The following COL4A1 variants were observed in gnomAD, a reference collection of about 807,000 sequenced individuals.
COL4A1 encodes collagen alpha-1(IV) chain.
COL4A1 carries 40 observed loss-of-function variants against 216.6 expected under a neutral mutation model. The ratio of observed to expected loss-of-function variants is 0.18; its 90% CI spans 0.14 to 0.24. The LOEUF is 0.24. Ranked by LOEUF, COL4A1 falls within the 10% of genes least tolerant of loss-of-function variation. The pLI, the probability that COL4A1 is intolerant of heterozygous loss-of-function variation, is 1.00. For missense variants in COL4A1, 1,628 were observed against 2,196.8 expected (o/e 0.74, Z 5.18); for synonymous variants, 839 against 810.7 (o/e 1.03, Z -0.59).
chr13:110,293,582 C>T (rs1884165803), intron 1 of COL4A1, among the ~76,000 whole-genome samples: 1 of 152,202 alleles, frequency 6.6e-6, no homozygotes, highest in Non-Finnish European at 1.5e-5. Flanking sequence ...TCAGATACAG[C>T]AACCCAAACT....
At chr13:110,224,020 T>A (rs1388181391) in intron 2 of COL4A1, among the ~76,000 whole-genome samples, 4 of 152,126 alleles carry the variant, frequency 2.6e-5, no homozygotes, top group African/African-American at 4.8e-5. Flanking sequence ...TTAAAAAAAA[T>A]ATATATGGAA....
rs1483550846 is a variant in COL4A1, at chr13:110,207,191, T to C, written c.780+212A>G. Among the ~76,000 whole-genome samples, 1 of 151,744 alleles carries C rather than the reference T, an allele frequency of 6.6e-6. No homozygotes were observed. The highest frequency in any genetic ancestry group is 1.9e-4 in the East Asian group (1 of 5,156). On this transcript the variant is annotated intron_variant, in intron 13 of 51. Transcript: ENST00000375820. The surrounding 1 kb of genome is among the most constrained non-coding windows in gnomAD (Gnocchi z 4.4). Reference sequence around the variant, plus strand: ...TTTAAGAAGCCCTGATCCAGCGGGGTGAGCCTCAGATCAGGCTTGGACCAA... The same window carrying C: ...TTTAAGAAGCCCTGATCCAGCGGGGCGAGCCTCAGATCAGGCTTGGACCAA...
chr13:110,189,098 T>G (rs537050793), intron 24 of COL4A1, among the ~76,000 whole-genome samples: 2 of 152,240 alleles, frequency 1.3e-5, no homozygotes, highest in African/African-American at 4.8e-5. Flanking sequence ...ATTTTCGCTC[T>G]TGTTGCCCAG....
At position 110,195,092 on chromosome 13, in the gene COL4A1, G is replaced by A. The variant is rs1878826958; in HGVS notation, c.1312C>T (p.Pro438Ser). 6.2e-7 allele frequency: 1 copy of A among 1,614,028 alleles called. No individual in the cohort carries two copies. Among genetic ancestry groups the A allele is most frequent in the African/African-American group, 1.3e-5 (1 of 74,898 alleles). Residue 438 changes from proline to serine, a missense_variant, in exon 22 of 52, where the codon CCT (proline) becomes TCT (serine). Physicochemically the swap from Pro to Ser is moderately conservative, Grantham distance 74. Transcript: ENST00000375820. Reference protein sequence around the residue: ...TNGIVECQPGPPGDQGPPGIP... With the variant: ...TNGIVECQPGSPGDQGPPGIP... ...CCAGGAGGACCCTGGTCACCTGGAG[G>A]TCCGGGCTGACATTCCACAATTCCA... is the stretch of plus-strand genomic sequence containing the variant.
chr13:110,170,726 T>C lies in COL4A1; in HGVS notation c.3563A>G (p.Lys1188Arg), dbSNP rs1566347288. Reference sequence around the variant, plus strand: ...TAATCCTGGGAAACCCACCTCACCCTTTGAACCTGAACAAGAAAAACAGTT... The same window carrying C: ...TAATCCTGGGAAACCCACCTCACCCCTTGAACCTGAACAAGAAAAACAGTT... ...FPGAKGDKGS[K>R]GEVGFPGLAG... The change falls in exon 42 of 52, where the codon AAG (lysine) becomes AGG (arginine). Residue 1188 changes from lysine (K) to arginine (R), a missense_variant. Lys to Arg is a conservative substitution (Grantham distance 26, BLOSUM62 2). Transcript: ENST00000375820. 1 of 1,614,170 alleles carries C rather than the reference T, an allele frequency of 6.2e-7. No individual in the cohort carries two copies. The highest frequency in any genetic ancestry group is 1.7e-5 in the Admixed American group (1 of 60,030).
chr13:110,205,356 C>A lies in COL4A1; in HGVS notation c.954G>T (p.Pro318=), dbSNP rs779515095. The A allele has an allele frequency of 1.9e-6, 3 of 1,614,030 alleles. No homozygotes were observed. Among genetic ancestry groups the A allele is most frequent in the South Asian group, 2.2e-5 (2 of 91,068 alleles). ...GYPGLIGRQG[P]QGEKGEAGPP... is the part of the protein sequence containing the mutation. ...TCACAATAGTGCCAGCGTTTACCTGCGGGCCCTGGCGGCCTATGAGTCCTG... is the reference window on the plus strand; with the variant it reads ...TCACAATAGTGCCAGCGTTTACCTGAGGGCCCTGGCGGCCTATGAGTCCTG... Residue 318 remains proline, a synonymous_variant, in exon 17 of 52, where the codon CCG becomes CCT. Coordinates refer to ENST00000375820, the MANE Select transcript of COL4A1 (RefSeq NM_001845.6).
At chr13:110,159,305 G>A (rs570221256) in intron 49 of COL4A1, among the ~76,000 whole-genome samples, 1 of 152,196 alleles carries the variant, frequency 6.6e-6, no homozygotes, top group East Asian at 1.9e-4. Context: ...AACTTTTTAT[G>A]TATAAATCTG....
At chr13:110,222,329 G>A (rs1268778007) in intron 2 of COL4A1, among the ~76,000 whole-genome samples, 1 of 152,188 alleles carries the variant, frequency 6.6e-6, no homozygotes, top group South Asian at 2.1e-4. Flanking sequence ...GATCCAGCCC[G>A]TGACAGGCCC....
intron 21 of COL4A1, 135 bp downstream of exon 21, chr13:110,198,332 A>G (rs1879001562): frequency 1.1e-6 from 1 of 894,088 alleles, no homozygotes; most frequent in Non-Finnish European, 1.7e-6. Context: ...TTAGAGGAAT[A>G]TGGATGATTA....
In COL4A1 at chr13:110,162,887, G is replaced by T. The variant is rs959076774; in HGVS notation, c.4250-445C>A. Among the ~76,000 whole-genome samples, 3 of 152,222 alleles carry T rather than the reference G, an allele frequency of 2.0e-5. No individual in the cohort carries two copies. The East Asian group carries it at 5.8e-4, about 29-fold the overall frequency. On this transcript the variant is annotated intron_variant, in intron 47 of 51. Transcript: ENST00000375820. Reference sequence around the variant, plus strand: ...TTAAGGTGTTTCTTCCTCCATAGCAGCCCAAAGCCTGCGTATGGAAATGGA... The same window carrying T: ...TTAAGGTGTTTCTTCCTCCATAGCATCCCAAAGCCTGCGTATGGAAATGGA...
At chr13:110,244,995 T>C (rs1881731150) in intron 1 of COL4A1, among the ~76,000 whole-genome samples, 6 of 152,166 alleles carry the variant, frequency 3.9e-5, no homozygotes, top group Admixed American at 3.9e-4. Context: ...CTGTTACTGG[T>C]GTTACCCATC....
intron 46 of COL4A1, 47 bp from the exon 47 acceptor site, chr13:110,163,608 G>A: frequency 4.0e-6 from 6 of 1,512,830 alleles, no homozygotes; most frequent in Non-Finnish European, 5.5e-6. Flanking sequence ...GCAGTAAGCT[G>A]TATCTCTTTC....
intron 29 of COL4A1, among the ~76,000 whole-genome samples, chr13:110,180,564 T>C (rs1878101493): frequency 6.6e-6 from 1 of 152,260 alleles, no homozygotes; most frequent in Non-Finnish European, 1.5e-5. Context: ...TTGGTACCAA[T>C]GCCTTCTGGC....
chr13:110,161,405 T>G, intron 48 of COL4A1, 36 bp from the exon 49 acceptor site: 6 of 1,570,392 alleles, frequency 3.8e-6, no homozygotes, highest in Non-Finnish European at 5.2e-6. Flanking sequence ...GATGTTTCCT[T>G]TATAATTCAC....
intron 1 of COL4A1, among the ~76,000 whole-genome samples, chr13:110,246,958 C>T (rs535315608): frequency 6.6e-6 from 1 of 152,186 alleles, no homozygotes; most frequent in Non-Finnish European, 1.5e-5. Context: ...GCTGGGAGTT[C>T]TCAAAGGAAA....
intron 1 of COL4A1, among the ~76,000 whole-genome samples, chr13:110,304,089 C>T (rs1884597104): frequency 6.6e-6 from 1 of 152,162 alleles, no homozygotes; most frequent in African/African-American, 2.4e-5. Context: ...AGTACATGAA[C>T]ATTGTGTCTT....
intron 1 of COL4A1, among the ~76,000 whole-genome samples, chr13:110,270,968 C>T (rs1381500376): frequency 1.3e-5 from 2 of 152,136 alleles, no homozygotes; most frequent in East Asian, 3.9e-4. Context: ...ACGACATGTT[C>T]ATAAAATGAC....
chr13:110,204,071 A>G (rs1160716697), intron 17 of COL4A1, among the ~76,000 whole-genome samples: 1 of 152,260 alleles, frequency 6.6e-6, no homozygotes, highest in Non-Finnish European at 1.5e-5. Flanking sequence ...ATTGGAGGTC[A>G]TAATGTAAAA....
chr13:110,169,843 A>G (rs1877524568), intron 42 of COL4A1, 81 bp from the exon 43 acceptor site: 3 of 1,569,560 alleles, frequency 1.9e-6, no homozygotes, highest in Middle Eastern at 3.4e-4. Flanking sequence ...CAATACTGCC[A>G]CCCACGGCCC....
Sources: gnomAD v4.1 joint callset for allele counts (sites outside exome capture counted in the v4.1 genomes callset) on GRCh38, gnomAD v4.1.1 for gene constraint, Gnocchi (gnomAD v3.1) non-coding constraint, MANE v1.5 for transcripts, NCBI Gene and HGNC (gene_info 2026-07-23, HGNC 2026-07-21) for gene names.